RIN3: variants seen among roughly 807,000 people sequenced by gnomAD.
RIN3 encodes the protein RAB5 interacting protein 3.
A neutral mutation model predicts 76.3 loss-of-function variants in RIN3; 54 were observed. The observed-to-expected ratio is 0.71, with a 90% confidence interval of 0.57 to 0.89. The LOEUF (loss-of-function observed/expected upper bound fraction) is 0.89. Among genes scored for constraint, RIN3 ranks in the 40% least tolerant of loss-of-function variants. The pLI is 0.00. For missense variants in RIN3, 1,256 were observed against 1,322.1 expected, an observed-to-expected ratio of 0.95 and a Z score of 0.78; for synonymous variants, 576 against 564.0, an observed-to-expected ratio of 1.02 and a Z score of -0.30.
At chr14:92,634,016 G>T (rs1023018772) in intron 4 of RIN3, among the ~76,000 whole-genome samples, 1 of 151,114 alleles carries the variant, frequency 6.6e-6, no homozygotes, top group Non-Finnish European at 1.5e-5. Flanking sequence ...AAGTTCACAA[G>T]CTGACCCTCC....
At chr14:92,672,185 C>A (rs1044815619) in intron 7 of RIN3, among the ~76,000 whole-genome samples, 12 of 152,032 alleles carry the variant, frequency 7.9e-5, no homozygotes, top group African/African-American at 2.7e-4. Context: ...GCGAGCGGAT[C>A]ACTTGAGGTC....
chr14:92,645,928 G>A (rs1362475721), intron 5 of RIN3, among the ~76,000 whole-genome samples: 1 of 149,696 alleles, frequency 6.7e-6, no homozygotes, highest in African/African-American at 2.5e-5. Flanking sequence ...CTCCAGCCTG[G>A]GTGACAGAAC....
At position 92,681,392 on chromosome 14, in the gene RIN3, A is replaced by G. The variant is rs1490116368; in HGVS notation, c.2468-3595A>G. ...CCCCTTTCACCTGCGAGGGTGAGAC[A>G]CCCCCAGAGCACCTCCCTGAGGCCT... On this transcript the variant is annotated intron_variant, in intron 8 of 9. Transcript: ENST00000216487. The surrounding 1 kb of genome is among the most constrained non-coding windows in gnomAD (Gnocchi z 4.7). Among the ~76,000 whole-genome samples the G allele has an allele frequency of 6.6e-6, 1 of 151,818 alleles. No homozygotes were observed. The highest frequency in any genetic ancestry group is 1.5e-5 in the Non-Finnish European group (1 of 67,944).
At chr14:92,627,203 G>T (rs1267423553) in intron 4 of RIN3, among the ~76,000 whole-genome samples, 1 of 152,186 alleles carries the variant, frequency 6.6e-6, no homozygotes, top group African/African-American at 2.4e-5. Flanking sequence ...TTGACTGTGT[G>T]TGTGGCCCAA....
chr14:92,652,440 A>G lies in RIN3; in HGVS notation c.1391A>G (p.Lys464Arg). ...CCCCCAGTCCCGCCCCCCAGGAAAA[A>G]ACGGATCTCTCGACAACTGGCCTCG... ...KQPPVPPPRK[K>R]RISRQLASTL... Residue 464 changes from lysine (K) to arginine (R), a missense_variant, in exon 6 of 10, where the codon AAA (lysine) becomes AGA (arginine). This residue lies in a region of RIN3 where 610 missense variants were observed against 626.4 expected (regional missense o/e 0.97). Transcript: ENST00000216487. This position sits in a 1 kb window ranked among gnomAD's most constrained non-coding sequence, Gnocchi z 6.4. The G allele has an allele frequency of 6.2e-7, 1 of 1,613,698 alleles. No individual in the cohort carries two copies.
chr14:92,666,767 G>C (rs1022975997), intron 7 of RIN3, among the ~76,000 whole-genome samples: 3 of 152,212 alleles, frequency 2.0e-5, no homozygotes, highest in African/African-American at 4.8e-5. Flanking sequence ...ATGGGAGGGG[G>C]AGAAAGACGG....
At chr14:92,668,864 C>A (rs1357553199) in intron 7 of RIN3, among the ~76,000 whole-genome samples, 1 of 152,198 alleles carries the variant, frequency 6.6e-6, no homozygotes, top group Non-Finnish European at 1.5e-5. Context: ...GCATAAGGTA[C>A]CCATTACTAA....
intron 3 of RIN3, among the ~76,000 whole-genome samples, chr14:92,614,692 G>T (rs572110219): frequency 6.6e-6 from 1 of 151,356 alleles, no homozygotes; most frequent in Non-Finnish European, 1.5e-5. Context: ...AACCCCTTTC[G>T]CTTGTCTGTC....
At chr14:92,675,068 TTTAGAGCTAAGAG>T (rs1238745843) in intron 7 of RIN3, among the ~76,000 whole-genome samples, 1 of 152,178 alleles carries the variant, frequency 6.6e-6, no homozygotes, top group African/African-American at 2.4e-5. Context: ...AAAATTTTCT[TTTAGAGCTAAGAG>T]TTAGAAAAAT....
At chr14:92,684,042 A>C (rs1888756259) in intron 8 of RIN3, among the ~76,000 whole-genome samples, 1 of 152,184 alleles carries the variant, frequency 6.6e-6, no homozygotes, top group African/African-American at 2.4e-5. Context: ...ATTAGCCTAC[A>C]GTTGGGCAAA....
chr14:92,571,175 T>C (rs1466325598), intron 2 of RIN3, among the ~76,000 whole-genome samples: 1 of 152,240 alleles, frequency 6.6e-6, no homozygotes, highest in Non-Finnish European at 1.5e-5. Flanking sequence ...ATTACTTTCC[T>C]TTTACTGTCC....
chr14:92,577,894 A>G (rs966776307), intron 3 of RIN3, among the ~76,000 whole-genome samples: 6 of 152,208 alleles, frequency 3.9e-5, no homozygotes, highest in Non-Finnish European at 8.8e-5. Context: ...TGTCAAGTGG[A>G]CATAATAGTC....
intron 8 of RIN3, among the ~76,000 whole-genome samples, chr14:92,684,242 T>C (rs765257240): frequency 2.6e-5 from 4 of 152,078 alleles, no homozygotes; most frequent in African/African-American, 4.8e-5. Flanking sequence ...TAGCCAGGCG[T>C]GGTGGCATGC....
intron 1 of RIN3, among the ~76,000 whole-genome samples, chr14:92,525,543 G>A (rs560975027): frequency 6.6e-6 from 1 of 152,286 alleles, no homozygotes; most frequent in African/African-American, 2.4e-5. Context: ...GCCCAGGACA[G>A]AGGGCCTCTG....
intron 2 of RIN3, among the ~76,000 whole-genome samples, chr14:92,571,354 A>G (rs77588383): frequency 8.5e-5 from 13 of 152,298 alleles, no homozygotes; most frequent in Non-Finnish European, 1.8e-4. Flanking sequence ...AGGGGGTCTT[A>G]TCTCTGCTGC....
intron 3 of RIN3, among the ~76,000 whole-genome samples, chr14:92,587,398 T>G (rs1566855979): frequency 6.6e-6 from 1 of 150,742 alleles, no homozygotes; most frequent in South Asian, 2.1e-4. Flanking sequence ...TGTGAGGGGC[T>G]GCAGTACAGT....
intron 2 of RIN3, among the ~76,000 whole-genome samples, chr14:92,572,336 T>C (rs2104237): frequency 0.21 from 32,201 of 152,076 alleles, 4,259 homozygotes; most frequent in African/African-American, 0.36. Flanking sequence ...TAGAAGAAGG[T>C]CCTATACAAG....
In RIN3 at chr14:92,568,416, A is replaced by G. The variant is rs1296501696; in HGVS notation, c.250-8944A>G. On this transcript the variant is annotated intron_variant, in intron 2 of 9. Coordinates refer to ENST00000216487, the MANE Select transcript of RIN3 (RefSeq NM_024832.5). This position sits in a 1 kb window ranked among gnomAD's most constrained non-coding sequence, Gnocchi z 4.2. ...CAGATTTAAGCTGAGATAATTCACC[A>G]TAATCTAAAATGTTCTTCAGGCATC... 1.3e-5 allele frequency among the ~76,000 whole-genome samples: 2 copies of G among 152,210 alleles called. No individual in the cohort carries two copies. Among genetic ancestry groups the G allele is most frequent in the Non-Finnish European group, 2.9e-5 (2 of 68,020 alleles).
At chr14:92,644,837 G>A (rs1420605954) in intron 5 of RIN3, 1 of 152,228 alleles carries the variant, frequency 6.6e-6, no homozygotes, top group Non-Finnish European at 1.5e-5. Context: ...CAACCTTCAT[G>A]TGAAATAGTG....
Sources: allele counts gnomAD v4.1 joint callset (sites outside exome capture counted in the v4.1 genomes callset), GRCh38; gene constraint gnomAD v4.1.1; regional missense constraint gnomAD v4.1.1; non-coding constraint Gnocchi (gnomAD v3.1); transcripts MANE v1.5; gene names NCBI Gene and HGNC (gene_info 2026-07-23, HGNC 2026-07-21).